Variants in SPHKAP observed in about 807,000 individuals in gnomAD.
SPHKAP encodes SPHK1 interactor, AKAP domain containing.
Under a neutral mutation model 137.5 loss-of-function variants are expected in SPHKAP, and 67 were observed. The observed-to-expected ratio is 0.49, with a 90% CI of 0.40 to 0.60. SPHKAP has a LOEUF of 0.60. SPHKAP is among the 20% of genes least tolerant of loss of function. The pLI, the probability that SPHKAP is intolerant of heterozygous loss-of-function variation, is 0.00. For missense variants in SPHKAP, 2,097 were observed against 2,069.3 expected, an observed-to-expected ratio of 1.01 and a Z score of -0.26; for synonymous variants, 813 against 785.3, an observed-to-expected ratio of 1.04 and a Z score of -0.59.
At chr2:228,066,974 G>A (rs537494625) in intron 3 of SPHKAP, among the ~76,000 whole-genome samples, 2 of 152,100 alleles carry the variant, frequency 1.3e-5, no homozygotes, top group Admixed American at 6.5e-5. Flanking sequence ...GTTTCATTAT[G>A]TTTACTCCTT....
Position 228,019,630 on chromosome 2 carries a change from A to G in SPHKAP, c.1224T>C (p.Ser408=). The part of the protein sequence containing the change: ...SVLQDAFIRL[S]QSQSTLPQES... ...CCTGGGGTAATGTGGACTGAGATTG[A>G]GATAATCTAATAAATGCATCCTGCA... The change falls in exon 7 of 12, where the codon TCT becomes TCC. Residue 408 remains serine, a synonymous_variant. Coordinates refer to ENST00000392056, the MANE Select transcript of SPHKAP (RefSeq NM_001142644.2). 6.2e-7 allele frequency: 1 copy of G among 1,614,102 alleles called. No homozygotes were observed. Among genetic ancestry groups the G allele is most frequent in the Non-Finnish European group, 8.5e-7 (1 of 1,179,976 alleles).
In SPHKAP at chr2:228,018,799, G is replaced by A. The variant is rs1694715401; in HGVS notation, c.2055C>T (p.His685=). 1.9e-6 allele frequency: 3 copies of A among 1,614,160 alleles called. No individual in the cohort carries two copies. Among genetic ancestry groups the A allele is most frequent in the African/African-American group, 1.3e-5 (1 of 75,044 alleles). The part of the protein sequence containing the change: ...ILRHSIDEVH[H]KNMIIDPNDN... ...CATTGGGGTCGATTATCATATTTTT[G>A]TGGTGAACTTCATCAATGGAATGCC... The change falls in exon 7 of 12, where the codon CAC becomes CAT. Residue 685 remains histidine (H), a synonymous_variant. Coordinates refer to ENST00000392056, the MANE Select transcript of SPHKAP (RefSeq NM_001142644.2).
At chr2:228,087,260 C>A (rs1440995202) in intron 3 of SPHKAP, among the ~76,000 whole-genome samples, 1 of 151,922 alleles carries the variant, frequency 6.6e-6, no homozygotes, top group Non-Finnish European at 1.5e-5. Flanking sequence ...AGCCAAATTA[C>A]AAAGCAAATG....
chr2:228,134,321 T>G (rs1325660350), intron 1 of SPHKAP, among the ~76,000 whole-genome samples: 1 of 151,992 alleles, frequency 6.6e-6, no homozygotes, highest in Non-Finnish European at 1.5e-5. Context: ...TTAGCTCCAT[T>G]TCCTGGCTGC....
chr2:228,017,821 A>G lies in SPHKAP; in HGVS notation c.3033T>C (p.Pro1011=). The change falls in exon 7 of 12, where the codon CCT becomes CCC. Residue 1011 remains proline, a synonymous_variant. Coordinates refer to ENST00000392056, the MANE Select transcript of SPHKAP (RefSeq NM_001142644.2). ...SEIKRKTDEH[P]ELKEKLMNRV... is the part of the protein sequence containing the mutation. ...TGTTCATCAGCTTTTCTTTAAGCTC[A>G]GGGTGCTCGTCCGTCTTCCTCTTGA... is the stretch of plus-strand genomic sequence containing the variant. 6.2e-7 allele frequency: 1 copy of G among 1,614,166 alleles called. No individual in the cohort carries two copies. The highest frequency in any genetic ancestry group is 8.5e-7 in the Non-Finnish European group (1 of 1,180,034).
intron 1 of SPHKAP, among the ~76,000 whole-genome samples, chr2:228,180,958 TAAAG>T (rs1700890122): frequency 6.6e-6 from 1 of 151,892 alleles, no homozygotes; most frequent in South Asian, 2.1e-4. Context: ...CCAAAGGTGT[TAAAG>T]AAGGAACTCG....
Position 228,017,574 on chromosome 2 carries a change from T to G in SPHKAP, c.3280A>C (p.Arg1094=). 1.2e-6 allele frequency: 2 copies of G among 1,613,814 alleles called. No homozygotes were observed. The highest frequency in any genetic ancestry group is 1.7e-6 in the Non-Finnish European group (2 of 1,180,002). ...AAGCCCAGGCTGTTGACATAGGCCC[T>G]GGCCTCGGAGTCTTCCTCAGGAATG... The part of the protein sequence containing the change: ...ESIPEEDSEA[R]AYVNSLGLMS... The change falls in exon 7 of 12, where the codon AGG becomes CGG. Residue 1094 remains arginine, a synonymous_variant. Coordinates refer to ENST00000392056, the MANE Select transcript of SPHKAP (RefSeq NM_001142644.2).
At position 227,991,124 on chromosome 2, in the gene SPHKAP, T is replaced by C. The variant is rs1322511111; in HGVS notation, c.4835A>G (p.Asn1612Ser). ...TGGACACTCTGGCTCCAGGTCAAAG[T>C]TGATCACCAGCAGGCTCCTCTGGGG... ...ASPQRSLLVI[N>S]FDLEPECPDA... is the part of the protein sequence containing the mutation. The change falls in exon 11 of 12, where the codon AAC becomes AGC. Residue 1612 changes from asparagine (N) to serine (S), a missense_variant. Asn to Ser is a conservative substitution (Grantham distance 46, BLOSUM62 1). Transcript: ENST00000392056. 10 of 1,614,006 alleles carry C rather than the reference T, an allele frequency of 6.2e-6. No individual in the cohort carries two copies. The highest frequency in any genetic ancestry group is 8.5e-6 in the Non-Finnish European group (10 of 1,180,024).
Position 228,025,325 on chromosome 2 carries a change from G to T in SPHKAP, c.441+69C>A, listed in dbSNP as rs1012599963. The T allele has an allele frequency of 9.1e-6, 14 of 1,531,674 alleles. No homozygotes were observed. In the African/African-American group the frequency reaches 1.8e-4, roughly 20 times the overall value. 94.9% of individuals were successfully genotyped at this position (1,531,674 alleles called of 1,614,324 possible). A position where few individuals can be genotyped will look rare whatever the true frequency, so the allele number is the denominator to read the frequency against. ...AGCTTATGTGTAGCATCTGTTTGGG[G>T]TTTACACTGATCTGTGCTGAGCTAA... On this transcript the variant is annotated intron_variant, in intron 5 of 11. Transcript: ENST00000392056.
chr2:228,094,621 G>T (rs1057441550), intron 3 of SPHKAP, among the ~76,000 whole-genome samples: 1 of 152,060 alleles, frequency 6.6e-6, no homozygotes, highest in Admixed American at 6.6e-5. Context: ...GGCATTTTGC[G>T]TGCCGTTTAA....
intron 3 of SPHKAP, 118 bp from the exon 4 acceptor site, chr2:228,027,661 G>T (rs566635210): frequency 2.7e-5 from 27 of 1,015,850 alleles, no homozygotes; most frequent in Non-Finnish European, 3.5e-5. Context: ...ATCTTAGACA[G>T]TTTGGCATAG....
chr2:228,054,363 A>C (rs1295811132), intron 3 of SPHKAP, among the ~76,000 whole-genome samples: 2 of 152,214 alleles, frequency 1.3e-5, no homozygotes, highest in East Asian at 3.8e-4. Context: ...ATGGAAGAGC[A>C]AAATTTAAGA....
intron 1 of SPHKAP, among the ~76,000 whole-genome samples, chr2:228,146,182 A>G (rs1211821344): frequency 2.0e-5 from 3 of 152,092 alleles, no homozygotes; most frequent in Non-Finnish European, 4.4e-5. Flanking sequence ...GCTCCTCCAC[A>G]CACATCCTTC....
chr2:228,108,978 T>A (rs1698429140), intron 2 of SPHKAP, 39 bp from the exon 3 acceptor site: 2 of 1,342,560 alleles, frequency 1.5e-6, no homozygotes, highest in Non-Finnish European at 1.0e-6. Context: ...TATTCGGCAA[T>A]CCTTTCTATC....
chr2:228,177,933 A>G (rs1177140196), intron 1 of SPHKAP, among the ~76,000 whole-genome samples: 4 of 152,220 alleles, frequency 2.6e-5, no homozygotes, highest in African/African-American at 9.6e-5. Flanking sequence ...AGCAAAAAGA[A>G]CAAAACAGTA....
At chr2:228,082,827 T>A (rs1314821987) in intron 3 of SPHKAP, among the ~76,000 whole-genome samples, 2 of 152,192 alleles carry the variant, frequency 1.3e-5, no homozygotes, top group Non-Finnish European at 2.9e-5. Flanking sequence ...ATCCACCTAA[T>A]GTGCTTAGGA....
intron 3 of SPHKAP, among the ~76,000 whole-genome samples, chr2:228,081,751 T>C (rs60484335): frequency 0.26 from 39,451 of 152,030 alleles, 5,330 homozygotes; most frequent in South Asian, 0.42. Flanking sequence ...GTTAAATTCA[T>C]GTAAGTAGGG....
intron 3 of SPHKAP, among the ~76,000 whole-genome samples, chr2:228,054,315 A>T (rs1696361554): frequency 6.6e-6 from 1 of 152,210 alleles, no homozygotes. Flanking sequence ...GGGTGAGAAT[A>T]GGGTATTTTC....
At chr2:228,100,753 A>T (rs6436751) in intron 3 of SPHKAP, among the ~76,000 whole-genome samples, 1 of 152,196 alleles carries the variant, frequency 6.6e-6, no homozygotes, top group Admixed American at 6.5e-5. Context: ...CTAATATTTT[A>T]TTGGGGTTTT....
Sources: gnomAD v4.1 joint callset for allele counts (sites outside exome capture counted in the v4.1 genomes callset) on GRCh38, gnomAD v4.1.1 for gene constraint, MANE v1.5 for transcripts, NCBI Gene and HGNC (gene_info 2026-07-23, HGNC 2026-07-21) for gene names.